The following NCKAP5 variants were observed in gnomAD, a reference collection of about 807,000 sequenced individuals.
NCKAP5 encodes nck-associated protein 5.
Under a neutral mutation model 167.0 loss-of-function variants are expected in NCKAP5, and 92 were observed. That is an observed-to-expected ratio of 0.55 (90% CI 0.47 to 0.66). The LOEUF (loss-of-function observed/expected upper bound fraction) is 0.66, where lower values mean the gene tolerates loss of function less well. Ranked by LOEUF, NCKAP5 falls within the 30% of genes least tolerant of loss-of-function variation. The probability of loss-of-function intolerance (pLI) is 0.00; values close to 1 mark genes in which losing one functional copy is unlikely to be tolerated. For synonymous variants in NCKAP5, 891 were observed against 877.4 expected, an observed-to-expected ratio of 1.02 and a Z score of -0.27; for missense variants, 2,378 against 2,315.0, an observed-to-expected ratio of 1.03 and a Z score of -0.56.
intron 6 of NCKAP5, among the ~76,000 whole-genome samples, chr2:133,073,544 T>C (rs2080494099): frequency 6.6e-6 from 1 of 152,128 alleles, no homozygotes; most frequent in Non-Finnish European, 1.5e-5. Context: ...AAGCCAACAC[T>C]GGAACCACAG....
intron 2 of NCKAP5, among the ~76,000 whole-genome samples, chr2:133,540,127 G>T (rs1380425809): frequency 6.6e-6 from 1 of 151,324 alleles, no homozygotes; most frequent in Non-Finnish European, 1.5e-5. Context: ...CTTGCAGTGA[G>T]CCGAGATCAC....
intron 3 of NCKAP5, among the ~76,000 whole-genome samples, chr2:133,396,890 G>C (rs1212569688): frequency 1.3e-5 from 2 of 152,210 alleles, no homozygotes; most frequent in African/African-American, 4.8e-5. Context: ...TCGTCAGACA[G>C]ACTTCAATTG....
At chr2:133,009,040 T>A (rs1345213148) in intron 6 of NCKAP5, among the ~76,000 whole-genome samples, 2 of 152,172 alleles carry the variant, frequency 1.3e-5, no homozygotes, top group African/African-American at 4.8e-5. Context: ...GTCTCCTTAG[T>A]CCTGAAATAT....
intron 17 of NCKAP5, among the ~76,000 whole-genome samples, chr2:132,730,146 C>T (rs1690850355): frequency 6.6e-6 from 1 of 152,100 alleles, no homozygotes; most frequent in Non-Finnish European, 1.5e-5. Flanking sequence ...GTGTGTTCAC[C>T]TCACACTCTA....
chr2:132,925,326 G>A (rs144839855), intron 8 of NCKAP5, among the ~76,000 whole-genome samples: 12 of 151,878 alleles, frequency 7.9e-5, no homozygotes, highest in East Asian at 5.8e-4. Flanking sequence ...AGGCCGAGGC[G>A]GGCAGATCAG....
intron 4 of NCKAP5, among the ~76,000 whole-genome samples, chr2:133,236,556 G>A (rs1011473738): frequency 2.0e-5 from 3 of 152,162 alleles, no homozygotes; most frequent in Non-Finnish European, 4.4e-5. Flanking sequence ...CTGAGATACA[G>A]CATATTTCAT....
chr2:133,297,994 A>G (rs1223506107), intron 4 of NCKAP5, among the ~76,000 whole-genome samples: 2 of 152,212 alleles, frequency 1.3e-5, no homozygotes, highest in African/African-American at 2.4e-5. Context: ...TCCCCTGTAT[A>G]TCACAGATTC....
intron 8 of NCKAP5, among the ~76,000 whole-genome samples, chr2:132,913,153 T>G (rs1296533486): frequency 6.6e-6 from 1 of 152,018 alleles, no homozygotes; most frequent in African/African-American, 2.4e-5. Flanking sequence ...GAATCATTTA[T>G]TGAGACAGCT....
the NCKAP5 span, among the ~76,000 whole-genome samples, chr2:133,664,766 G>C: frequency 6.6e-6 from 1 of 152,160 alleles, no homozygotes. Context: ...CCAAAGTGCT[G>C]AGATTACATA....
At chr2:133,520,689 T>C (rs1199188503) in intron 2 of NCKAP5, among the ~76,000 whole-genome samples, 9 of 152,222 alleles carry the variant, frequency 5.9e-5, no homozygotes, top group African/African-American at 2.2e-4. Flanking sequence ...ATCCTTTTGA[T>C]AGTTCTCAAA....
At chr2:132,879,318 T>A (rs1215447417) in intron 8 of NCKAP5, among the ~76,000 whole-genome samples, 2 of 152,222 alleles carry the variant, frequency 1.3e-5, no homozygotes, top group African/African-American at 4.8e-5. Flanking sequence ...CAGAAAAGAA[T>A]CTCACATAAA....
intron 11 of NCKAP5, among the ~76,000 whole-genome samples, chr2:132,849,767 C>T (rs1175499352): frequency 1.3e-5 from 2 of 152,294 alleles, no homozygotes; most frequent in Non-Finnish European, 2.9e-5. Context: ...CCTCTTTGGT[C>T]CACCCGACAT....
At chr2:132,951,406 T>C (rs948116890) in intron 8 of NCKAP5, among the ~76,000 whole-genome samples, 1 of 152,260 alleles carries the variant, frequency 6.6e-6, no homozygotes, top group Non-Finnish European at 1.5e-5. Flanking sequence ...AAACTAAGAC[T>C]GTAGAGACTC....
intron 4 of NCKAP5, among the ~76,000 whole-genome samples, chr2:133,296,450 G>T (rs1679967500): frequency 6.6e-6 from 1 of 151,112 alleles, no homozygotes; most frequent in African/African-American, 2.4e-5. Flanking sequence ...CAAAAAGAAA[G>T]AATATCTTAA....
chr2:132,978,108 C>T (rs930518975), intron 7 of NCKAP5, among the ~76,000 whole-genome samples: 3 of 152,096 alleles, frequency 2.0e-5, no homozygotes, highest in African/African-American at 7.2e-5. Flanking sequence ...GTATGATCCT[C>T]AAAGGCAATT....
chr2:133,157,722 T>C (rs1344111060), intron 5 of NCKAP5, among the ~76,000 whole-genome samples: 2 of 133,768 alleles, frequency 1.5e-5, no homozygotes, highest in Non-Finnish European at 3.2e-5. Flanking sequence ...GCTGGGATAG[T>C]GTATAAAAAG....
chr2:133,618,953 C>T, the NCKAP5 span, among the ~76,000 whole-genome samples: 1 of 146,388 alleles, frequency 6.8e-6, no homozygotes, highest in African/African-American at 2.5e-5. Flanking sequence ...GGCACATATA[C>T]ACCATGGAAT....
At chr2:132,688,091 C>A (rs1185313706) in intron 19 of NCKAP5, among the ~76,000 whole-genome samples, 4 of 152,166 alleles carry the variant, frequency 2.6e-5, no homozygotes, top group Admixed American at 2.6e-4. Flanking sequence ...TCTAATTAAT[C>A]TGTGAATGAA....
the NCKAP5 span, among the ~76,000 whole-genome samples, chr2:133,634,003 T>C: frequency 6.6e-6 from 1 of 152,218 alleles, no homozygotes; most frequent in African/African-American, 2.4e-5. Flanking sequence ...GAAACTCTTA[T>C]CTGGACTTGG....
Sources: gnomAD v4.1 joint callset for allele counts (sites outside exome capture counted in the v4.1 genomes callset) on GRCh38, gnomAD v4.1.1 for gene constraint, MANE v1.5 for transcripts, NCBI Gene and HGNC (gene_info 2026-07-23, HGNC 2026-07-21) for gene names.